GUCY1A2: variants seen among roughly 807,000 people sequenced by gnomAD.
GUCY1A2 encodes guanylate cyclase soluble subunit alpha-2.
GUCY1A2 carries 27 observed loss-of-function variants against 63.5 expected under a neutral mutation model. The ratio of observed to expected loss-of-function variants is 0.43; its 90% CI spans 0.31 to 0.59. The LOEUF is 0.59. Among genes scored for constraint, GUCY1A2 ranks in the 20% least tolerant of loss-of-function variants. GUCY1A2 has a pLI of 0.11. For missense variants in GUCY1A2, 768 were observed against 913.3 expected (o/e 0.84, Z 2.05); for synonymous variants, 364 against 343.5 (o/e 1.06, Z -0.66).
chr11:106,813,816 C>A (rs1031728573), intron 4 of GUCY1A2, among the ~76,000 whole-genome samples: 1 of 152,048 alleles, frequency 6.6e-6, no homozygotes, highest in African/African-American at 2.4e-5. Context: ...GTAGCTAACT[C>A]AACACATCTG....
chr11:106,910,305 G>T (rs1293805426), intron 4 of GUCY1A2, among the ~76,000 whole-genome samples: 1 of 151,794 alleles, frequency 6.6e-6, no homozygotes, highest in Non-Finnish European at 1.5e-5. Flanking sequence ...CATGTAAAGG[G>T]CCAAAAATAC....
chr11:106,778,460 C>A (rs1393482167), intron 5 of GUCY1A2, among the ~76,000 whole-genome samples: 1 of 152,018 alleles, frequency 6.6e-6, no homozygotes, highest in Non-Finnish European at 1.5e-5. Flanking sequence ...GAGATCAAGA[C>A]CATCCTGGCT....
chr11:106,827,659 G>T lies in GUCY1A2; in HGVS notation c.1207-17181C>A, dbSNP rs999537027. On this transcript the variant is annotated intron_variant, in intron 4 of 7. Transcript: ENST00000526355. ...CCAGATTCTATAACCTTGATGTTGGGAAAGCGTTTTTCTAACATGGTACTT... is the reference window on the plus strand; with the variant it reads ...CCAGATTCTATAACCTTGATGTTGGTAAAGCGTTTTTCTAACATGGTACTT... 4 of 1,540,574 alleles carry T rather than the reference G, an allele frequency of 2.6e-6. No homozygotes were observed. The African/African-American group carries it at 5.4e-5, about 21-fold the overall frequency.
intron 3 of GUCY1A2, among the ~76,000 whole-genome samples, chr11:106,957,062 G>A (rs1022234629): frequency 3.3e-5 from 5 of 152,198 alleles, no homozygotes; most frequent in African/African-American, 4.8e-5. Flanking sequence ...CACTCTAGCC[G>A]CAGACTGCCA....
chr11:106,989,563 C>A (rs1006294902), intron 1 of GUCY1A2, among the ~76,000 whole-genome samples: 2 of 152,020 alleles, frequency 1.3e-5, no homozygotes, highest in African/African-American at 4.8e-5. Context: ...GGTTCCTACC[C>A]TCAGGAGTCT....
chr11:106,698,138 T>TTTTTTTTTTTTTTTA (rs1555020237), intron 7 of GUCY1A2, among the ~76,000 whole-genome samples: 12 of 145,850 alleles, frequency 8.2e-5, no homozygotes, highest in Non-Finnish European at 1.2e-4. Flanking sequence ...TTTTTTTTTT[T>TTTTTTTTTTTTTTTA]AGACAGGGTC....
intron 5 of GUCY1A2, among the ~76,000 whole-genome samples, chr11:106,779,519 A>ACAT (rs1425233286): frequency 2.0e-5 from 3 of 152,232 alleles, no homozygotes; most frequent in African/African-American, 7.2e-5. Flanking sequence ...AGATATCAGA[A>ACAT]CATATAGTCA....
At chr11:106,903,893 T>C (rs1305273993) in intron 4 of GUCY1A2, among the ~76,000 whole-genome samples, 1 of 152,180 alleles carries the variant, frequency 6.6e-6, no homozygotes, top group Non-Finnish European at 1.5e-5. Flanking sequence ...ACATAGCTGA[T>C]GTGGAACATT....
chr11:106,935,859 A>C (rs1258308854), intron 4 of GUCY1A2, among the ~76,000 whole-genome samples: 1 of 151,524 alleles, frequency 6.6e-6, no homozygotes, highest in African/African-American at 2.4e-5. Context: ...CAAAAAAAAA[A>C]ATTAAAAAAA....
chr11:106,701,333 C>T, intron 7 of GUCY1A2, among the ~76,000 whole-genome samples: 1 of 152,036 alleles, frequency 6.6e-6, no homozygotes, highest in East Asian at 1.9e-4. Context: ...GTTAGAAATA[C>T]AGACACTCCA....
intron 5 of GUCY1A2, among the ~76,000 whole-genome samples, chr11:106,794,103 T>A (rs1420757644): frequency 6.6e-6 from 1 of 152,062 alleles, no homozygotes; most frequent in African/African-American, 2.4e-5. Flanking sequence ...CCTGTGTCTA[T>A]CAACAGATAA....
intron 6 of GUCY1A2, among the ~76,000 whole-genome samples, chr11:106,725,298 A>G (rs1231897303): frequency 2.0e-5 from 2 of 99,688 alleles, no homozygotes; most frequent in Admixed American, 1.0e-4. Context: ...TCAGCCTCCC[A>G]AGTAGCTGGG....
chr11:106,901,231 C>T (rs995115263), intron 4 of GUCY1A2, among the ~76,000 whole-genome samples: 1 of 152,164 alleles, frequency 6.6e-6, no homozygotes, highest in African/African-American at 2.4e-5. Flanking sequence ...ATCAACTCCT[C>T]ATATGTTCAA....
At chr11:106,761,050 A>G (rs1464169351) in intron 6 of GUCY1A2, among the ~76,000 whole-genome samples, 1 of 152,190 alleles carries the variant, frequency 6.6e-6, no homozygotes, top group Non-Finnish European at 1.5e-5. Flanking sequence ...CACTTTCCAA[A>G]TTATACTTCT....
chr11:106,813,012 T>C (rs192180324), intron 4 of GUCY1A2, among the ~76,000 whole-genome samples: 6 of 152,172 alleles, frequency 3.9e-5, no homozygotes, highest in Admixed American at 1.3e-4. Flanking sequence ...TGAATTATGT[T>C]TCTCATAATT....
At chr11:106,688,162 G>A (rs1862560963) in intron 7 of GUCY1A2, among the ~76,000 whole-genome samples, 1 of 152,100 alleles carries the variant, frequency 6.6e-6, no homozygotes. Flanking sequence ...AAATTCTAGT[G>A]CACTCCTTTT....
intron 3 of GUCY1A2, among the ~76,000 whole-genome samples, chr11:106,963,943 TA>T (rs1861092739): frequency 6.6e-6 from 1 of 152,308 alleles, no homozygotes; most frequent in South Asian, 2.1e-4. Flanking sequence ...AAGAATAGTA[TA>T]AAAATTCTCA....
chr11:106,920,800 A>G (rs1256345934), intron 4 of GUCY1A2, among the ~76,000 whole-genome samples: 1 of 152,112 alleles, frequency 6.6e-6, no homozygotes, highest in Non-Finnish European at 1.5e-5. Context: ...TAACAAAATC[A>G]TATTTCCTTT....
At chr11:106,850,518 C>A (rs1859338230) in intron 4 of GUCY1A2, among the ~76,000 whole-genome samples, 4 of 151,710 alleles carry the variant, frequency 2.6e-5, no homozygotes, top group Admixed American at 2.6e-4. Flanking sequence ...CCCTACTCTT[C>A]CCAACCTCAC....
Sources: gnomAD v4.1 joint callset for allele counts (sites outside exome capture counted in the v4.1 genomes callset) on GRCh38, gnomAD v4.1.1 for gene constraint, MANE v1.5 for transcripts, NCBI Gene and HGNC (gene_info 2026-07-23, HGNC 2026-07-21) for gene names.